The following UHRF1 variants were observed in gnomAD, a reference collection of about 807,000 sequenced individuals.
UHRF1 encodes the protein ubiquitin like with PHD and ring finger domains 1.
UHRF1 carries 9 observed loss-of-function variants against 96.5 expected under a neutral mutation model. The observed-to-expected ratio is 0.09, with a 90% confidence interval of 0.06 to 0.16. The LOEUF (loss-of-function observed/expected upper bound fraction) is 0.16. Ranked by LOEUF, UHRF1 falls within the 10% of genes least tolerant of loss-of-function variation. The pLI, the probability that UHRF1 is intolerant of heterozygous loss-of-function variation, is 1.00. For synonymous variants in UHRF1, 455 were observed against 469.9 expected (o/e 0.97, Z 0.41); for missense variants, 626 against 1,131.1 (o/e 0.55, Z 6.40).
intron 5 of UHRF1, among the ~76,000 whole-genome samples, chr19:4,939,778 A>G (rs2033328267): frequency 6.6e-6 from 1 of 152,180 alleles, no homozygotes; most frequent in African/African-American, 2.4e-5. Context: ...TAATCCCAGT[A>G]CTTTGGGGGG....
At chr19:4,909,103 C>T (rs972319732), upstream of UHRF1, 18 of 186,222 alleles carry the variant, frequency 9.7e-5, no homozygotes, top group Middle Eastern at 2.1e-3. Flanking sequence ...TAGGGGCCCC[C>T]CACATTCCCT....
intron 3 of UHRF1, among the ~76,000 whole-genome samples, chr19:4,929,814 T>A (rs982647335): frequency 6.6e-6 from 1 of 152,080 alleles, no homozygotes; most frequent in Non-Finnish European, 1.5e-5. Context: ...TTTTTTATTT[T>A]TTTTTTGGCA....
At position 4,941,522 on chromosome 19, in the gene UHRF1, T is replaced by C; in HGVS notation, c.786-6T>C. The C allele has an allele frequency of 6.2e-7, 1 of 1,611,698 alleles. No individual in the cohort carries two copies. Among genetic ancestry groups the C allele is most frequent in the South Asian group, 1.1e-5 (1 of 90,640 alleles). On this transcript the variant is annotated splice_polypyrimidine_tract_variant and splice_region_variant and intron_variant, in intron 5 of 16. Coordinates refer to ENST00000650932, the MANE Select transcript of UHRF1 (RefSeq NM_001048201.3). ...CAGAATGTTCCAGCGTCCTCGTTCC[T>C]TGCAGGGATGATTCTCTGAACGACT...
At position 4,929,305 on chromosome 19, in the gene UHRF1, C is replaced by G. The variant is rs1039376061; in HGVS notation, c.237C>G (p.Leu79=). The G allele has an allele frequency of 6.2e-7, 1 of 1,613,830 alleles. No homozygotes were observed. Among genetic ancestry groups the G allele is most frequent in the Non-Finnish European group, 8.5e-7 (1 of 1,179,898 alleles). ...IQLLVRQSLV[L]PHSTKERDSE... ...TCCTGGTCCGCCAGAGCCTCGTGCT[C>G]CCCCACAGCACCAAGGAGCGGGACT... The change falls in exon 3 of 17, where the codon CTC becomes CTG. Residue 79 remains leucine, a synonymous_variant. Coordinates refer to ENST00000650932, the MANE Select transcript of UHRF1 (RefSeq NM_001048201.3).
intron 2 of UHRF1, among the ~76,000 whole-genome samples, chr19:4,916,128 C>T (rs1217903389): frequency 6.6e-6 from 1 of 151,908 alleles, no homozygotes; most frequent in Non-Finnish European, 1.5e-5. Flanking sequence ...GGCCATGTAG[C>T]AAGACCCCGT....
In UHRF1 at chr19:4,951,915, C is replaced by A. The variant is rs563438541; in HGVS notation, c.1818+919C>A. Among the ~76,000 whole-genome samples the A allele has an allele frequency of 4.5e-4, 68 of 152,234 alleles. 1 individual carries two copies. In the Middle Eastern group the frequency reaches 0.014, roughly 30 times the overall value. ...GGGAGAAGCTTTACAGCAGACGAATCGTGAGACTATTTAAGGAATCTTAAT... is the reference window on the plus strand; with the variant it reads ...GGGAGAAGCTTTACAGCAGACGAATAGTGAGACTATTTAAGGAATCTTAAT... On this transcript the variant is annotated intron_variant, in intron 13 of 16. Transcript: ENST00000650932.
At position 4,940,034 on chromosome 19, in the gene UHRF1, A is replaced by AAAAC. The variant is rs1568422802; in HGVS notation, c.786-1491_786-1490insCAAA. ...GCGAGACTGTCTCAAAAAAAAAAAA[A>AAAAC]AAAACACATGGGCTTTCAGAGACCT... is the stretch of plus-strand genomic sequence containing the variant. On this transcript the variant is annotated intron_variant, in intron 5 of 16. Coordinates refer to ENST00000650932, the MANE Select transcript of UHRF1 (RefSeq NM_001048201.3). 3.2e-3 allele frequency among the ~76,000 whole-genome samples: 486 copies of AAAAC among 152,120 alleles called. 5 individuals are homozygous for AAAAC. Among genetic ancestry groups the AAAAC allele is most frequent in the African/African-American group, 0.011 (457 of 41,514 alleles).
At chr19:4,929,062 A>G (rs1297610409) in intron 2 of UHRF1, among the ~76,000 whole-genome samples, 160 bp from the exon 3 acceptor site, 1 of 152,106 alleles carries the variant, frequency 6.6e-6, no homozygotes, top group Non-Finnish European at 1.5e-5. Context: ...TGAGCGGGAC[A>G]GCCCCCTGGC....
At chr19:4,947,774 C>T (rs1393760868) in intron 11 of UHRF1, among the ~76,000 whole-genome samples, 3 of 151,676 alleles carry the variant, frequency 2.0e-5, no homozygotes, top group Non-Finnish European at 2.9e-5. Context: ...ATTGGTATTA[C>T]AGGCATGAGC....
chr19:4,942,040 A>T, intron 7 of UHRF1, 109 bp downstream of exon 7: 1 of 1,221,756 alleles, frequency 8.2e-7, no homozygotes, highest in East Asian at 2.9e-5. Context: ...TCACGCCTGC[A>T]ATCCCAGTGC....
chr19:4,950,587 G>A (rs369696462), intron 11 of UHRF1, 24 bp from the exon 12 acceptor site: 469 of 1,606,176 alleles, frequency 2.9e-4, no homozygotes, highest in East Asian at 4.0e-4. Context: ...CCTATAATGC[G>A]TGGGGTCCTG....
chr19:4,913,034 G>A (rs555781224), intron 2 of UHRF1, among the ~76,000 whole-genome samples: 56 of 152,068 alleles, frequency 3.7e-4, no homozygotes, highest in African/African-American at 9.9e-4. Flanking sequence ...GGTTACAGGC[G>A]TGAGCTACAG....
chr19:4,954,254 T>C lies in UHRF1; in HGVS notation c.1819-96T>C. 1 of 1,533,766 alleles carries C rather than the reference T, an allele frequency of 6.5e-7. No individual in the cohort carries two copies. The highest frequency in any genetic ancestry group is 8.8e-7 in the Non-Finnish European group (1 of 1,135,496). On this transcript the variant is annotated intron_variant, in intron 13 of 16. Coordinates refer to ENST00000650932, the MANE Select transcript of UHRF1 (RefSeq NM_001048201.3). This position sits in a 1 kb window ranked among gnomAD's most constrained non-coding sequence, Gnocchi z 5.9. ...AGGGGGATTGGGGGTCAGGTGTGTC[T>C]GGAAACCCAGACCTGGCAAGGAGGC... is the stretch of plus-strand genomic sequence containing the variant.
At chr19:4,936,522 C>G (rs1034942385) in intron 5 of UHRF1, among the ~76,000 whole-genome samples, 1 of 152,158 alleles carries the variant, frequency 6.6e-6, no homozygotes, top group South Asian at 2.1e-4. Flanking sequence ...GAGCTACCAG[C>G]CTTTGCCAGG....
chr19:4,924,487 T>C (rs1307839436), intron 2 of UHRF1, among the ~76,000 whole-genome samples: 1 of 152,238 alleles, frequency 6.6e-6, no homozygotes, highest in Non-Finnish European at 1.5e-5. Flanking sequence ...TTTGGCAATG[T>C]TGCCCAGGCT....
chr19:4,909,259 G>A (rs1239753446), upstream of UHRF1: 4 of 522,562 alleles, frequency 7.7e-6, no homozygotes, highest in African/African-American at 2.0e-5. Flanking sequence ...CACGTGCGGG[G>A]GGTGACCAGG....
intron 7 of UHRF1, among the ~76,000 whole-genome samples, chr19:4,943,720 G>T (rs1018712533): frequency 6.6e-6 from 1 of 151,860 alleles, no homozygotes; most frequent in Non-Finnish European, 1.5e-5. Flanking sequence ...GTGCAACCTC[G>T]GCTCACTGCA....
chr19:4,959,050 T>C (rs887409114), intron 16 of UHRF1, among the ~76,000 whole-genome samples: 5 of 148,610 alleles, frequency 3.4e-5, no homozygotes, highest in Admixed American at 2.7e-4. Context: ...CCATCATAGC[T>C]CATCGCAGCC....
intron 9 of UHRF1, among the ~76,000 whole-genome samples, chr19:4,944,745 G>A (rs1446426138): frequency 2.6e-5 from 4 of 152,228 alleles, no homozygotes; most frequent in African/African-American, 9.6e-5. Context: ...CTGTCTCAGC[G>A]CTGGTTGTGA....
Sources: gnomAD v4.1 joint callset for allele counts (sites outside exome capture counted in the v4.1 genomes callset) on GRCh38, gnomAD v4.1.1 for gene constraint, Gnocchi (gnomAD v3.1) non-coding constraint, MANE v1.5 for transcripts, NCBI Gene and HGNC (gene_info 2026-07-23, HGNC 2026-07-21) for gene names.